IGF2BP3: variants seen among roughly 807,000 people sequenced by gnomAD.
The protein encoded by IGF2BP3 is insulin like growth factor 2 mRNA binding protein 3, also known as insulin-like growth factor 2 mRNA-binding protein 3.
In IGF2BP3, 9 loss-of-function variants were observed where a neutral mutation model predicts 73.8. The ratio of observed to expected loss-of-function variants is 0.12; its 90% CI spans 0.07 to 0.21. IGF2BP3 has a LOEUF of 0.21. Ranked by LOEUF, IGF2BP3 falls within the 10% of genes least tolerant of loss-of-function variation. The pLI, the probability that IGF2BP3 is intolerant of heterozygous loss-of-function variation, is 1.00. For missense variants in IGF2BP3, 542 were observed against 714.0 expected (o/e 0.76, Z 2.75); for synonymous variants, 258 against 256.7 (o/e 1.01, Z -0.05).
At chr7:23,337,463 G>A (rs967825238) in intron 10 of IGF2BP3, among the ~76,000 whole-genome samples, 1 of 152,144 alleles carries the variant, frequency 6.6e-6, no homozygotes, top group Non-Finnish European at 1.5e-5. Context: ...CCTTTAACAG[G>A]CAATAGTGCC....
intron 5 of IGF2BP3, among the ~76,000 whole-genome samples, chr7:23,356,239 G>A (rs1196429454): frequency 1.3e-5 from 2 of 152,118 alleles, no homozygotes; most frequent in African/African-American, 4.8e-5. Context: ...TAAAAGATTA[G>A]ATTCATGGTC....
At chr7:23,318,282 G>C (rs1010756469) in intron 11 of IGF2BP3, among the ~76,000 whole-genome samples, 2 of 152,150 alleles carry the variant, frequency 1.3e-5, no homozygotes, top group African/African-American at 4.8e-5. Flanking sequence ...GAGTGCAGTG[G>C]TGTGATCATA....
chr7:23,394,893 G>A (rs921855409), intron 3 of IGF2BP3, among the ~76,000 whole-genome samples: 1 of 152,204 alleles, frequency 6.6e-6, no homozygotes, highest in Non-Finnish European at 1.5e-5. Context: ...AGTCAGAAAT[G>A]TTTGTTCAGC....
chr7:23,365,650 G>A (rs964938093), intron 3 of IGF2BP3: 3 of 152,214 alleles, frequency 2.0e-5, no homozygotes, highest in African/African-American at 7.2e-5. Context: ...GTGACAAGAA[G>A]GGCCGCTCTG....
chr7:23,400,182 T>A (rs1230413822), intron 3 of IGF2BP3, among the ~76,000 whole-genome samples: 1 of 152,246 alleles, frequency 6.6e-6, no homozygotes, highest in African/African-American at 2.4e-5. Flanking sequence ...TGTGAAAAAG[T>A]TCTCCAAAGT....
chr7:23,426,191 G>C (rs1187264042), intron 2 of IGF2BP3, among the ~76,000 whole-genome samples: 1 of 151,892 alleles, frequency 6.6e-6, no homozygotes, highest in Non-Finnish European at 1.5e-5. Flanking sequence ...GCCAGGCATG[G>C]TGGCACAGGC....
chr7:23,466,240 C>T (rs1788564414), intron 2 of IGF2BP3, among the ~76,000 whole-genome samples: 1 of 152,092 alleles, frequency 6.6e-6, no homozygotes, highest in African/African-American at 2.4e-5. Flanking sequence ...CCAGGCTGGT[C>T]TCGAACTCCT....
At position 23,346,071 on chromosome 7, in the gene IGF2BP3, A is replaced by G; in HGVS notation, c.819-9T>C. The G allele has an allele frequency of 6.3e-7, 1 of 1,599,126 alleles. No homozygotes were observed. Among genetic ancestry groups the G allele is most frequent in the Admixed American group, 1.8e-5 (1 of 55,566 alleles). On this transcript the variant is annotated splice_polypyrimidine_tract_variant and intron_variant, in intron 7 of 14. Coordinates refer to ENST00000258729, the MANE Select transcript of IGF2BP3 (RefSeq NM_006547.3). ...AGGGGATCTCTTCTGTGCTGTAAAT[A>G]GAAAAGTGGCCATAAAATTAGAATA...
chr7:23,417,153 C>G (rs1787214782), intron 3 of IGF2BP3, among the ~76,000 whole-genome samples: 1 of 152,176 alleles, frequency 6.6e-6, no homozygotes, highest in Admixed American at 6.5e-5. Context: ...AAACACCTAA[C>G]AGCAGCAGCC....
chr7:23,326,506 T>G (rs2128495339), intron 10 of IGF2BP3, among the ~76,000 whole-genome samples: 1 of 151,696 alleles, frequency 6.6e-6, no homozygotes. Flanking sequence ...GAAGTCAGTG[T>G]GGCAATTCCT....
chr7:23,329,403 T>G (rs974759605), intron 10 of IGF2BP3, among the ~76,000 whole-genome samples: 1 of 152,216 alleles, frequency 6.6e-6, no homozygotes, highest in African/African-American at 2.4e-5. Flanking sequence ...CCAACTTCAA[T>G]GTTTCAATAA....
intron 8 of IGF2BP3, among the ~76,000 whole-genome samples, chr7:23,345,581 T>C (rs1050096303): frequency 1.3e-5 from 2 of 152,234 alleles, no homozygotes; most frequent in African/African-American, 4.8e-5. Context: ...AAAAACTAGC[T>C]GAGCAATTAA....
intron 2 of IGF2BP3, among the ~76,000 whole-genome samples, chr7:23,441,574 TAAAAAAA>T (rs769391858): frequency 3.0e-4 from 17 of 56,956 alleles, no homozygotes; most frequent in African/African-American, 4.9e-4. Flanking sequence ...CTCCATCTCT[TAAAAAAA>T]AAAAAAAAAA....
intron 5 of IGF2BP3, chr7:23,361,251 C>A: frequency 3.7e-6 from 1 of 267,336 alleles, no homozygotes; most frequent in Non-Finnish European, 7.1e-6. Context: ...GGCAACAATA[C>A]CAAGGCCCAG....
At chr7:23,331,174 C>A (rs952101128) in intron 10 of IGF2BP3, among the ~76,000 whole-genome samples, 2 of 152,040 alleles carry the variant, frequency 1.3e-5, no homozygotes, top group Admixed American at 1.3e-4. Context: ...AATTTATTGA[C>A]CATAAAATAC....
At chr7:23,407,596 A>G (rs899551288) in intron 3 of IGF2BP3, among the ~76,000 whole-genome samples, 1 of 147,092 alleles carries the variant, frequency 6.8e-6, no homozygotes, top group African/African-American at 2.5e-5. Context: ...CAACAAAAGC[A>G]AAACTCTGTC....
rs187771423 is a variant in IGF2BP3, at chr7:23,342,549, A to T, written c.1078-360T>A. ...AGCAATGTATCAGAGTTGAAGAGGT[A>T]ATCAAGTAAGATTGGTTCATTGAAA... is the stretch of plus-strand genomic sequence containing the variant. On this transcript the variant is annotated intron_variant, in intron 9 of 14. Transcript: ENST00000258729. 1.7e-3 allele frequency among the ~76,000 whole-genome samples: 255 copies of T among 152,286 alleles called. 2 individuals are homozygous for T. Among genetic ancestry groups the T allele is most frequent in the Middle Eastern group, 0.014 (4 of 294 alleles).
chr7:23,334,458 A>T (rs1234014581), intron 10 of IGF2BP3, among the ~76,000 whole-genome samples: 1 of 152,276 alleles, frequency 6.6e-6, no homozygotes, highest in Non-Finnish European at 1.5e-5. Context: ...CAGGCAGAGC[A>T]AAAGTTATAA....
chr7:23,413,045 A>AG (rs921434674), intron 3 of IGF2BP3, among the ~76,000 whole-genome samples: 2 of 150,060 alleles, frequency 1.3e-5, no homozygotes, highest in African/African-American at 4.9e-5. Context: ...TTTTTAGTTA[A>AG]GATGGGGTTT....
Sources: allele counts gnomAD v4.1 joint callset (sites outside exome capture counted in the v4.1 genomes callset), GRCh38; gene constraint gnomAD v4.1.1; transcripts MANE v1.5; gene names NCBI Gene and HGNC (gene_info 2026-07-23, HGNC 2026-07-21).